Variants in FBXO3 observed in about 807,000 individuals in gnomAD.
FBXO3 encodes the protein F-box only protein 3.
Under a neutral mutation model 64.8 loss-of-function variants are expected in FBXO3, and 17 were observed. The ratio of observed to expected loss-of-function variants is 0.26; its 90% confidence interval spans 0.18 to 0.39. FBXO3 has a LOEUF of 0.39. Ranked by LOEUF, FBXO3 falls within the 10% of genes least tolerant of loss-of-function variation. The pLI is 1.00. For synonymous variants in FBXO3, 182 were observed against 201.6 expected, an observed-to-expected ratio of 0.90 and a Z score of 0.82; for missense variants, 420 against 589.9, an observed-to-expected ratio of 0.71 and a Z score of 2.98.
At chr11:33,763,354 CA>C (rs1564992999) in intron 3 of FBXO3, 2 of 401,124 alleles carry the variant, frequency 5.0e-6, no homozygotes, top group African/African-American at 4.1e-5. Context: ...GTAAAAATTC[CA>C]ATAAAATACT....
chr11:33,774,219 TCCGCCC>T (rs1855582170), intron 1 of FBXO3, 169 bp downstream of exon 1: 1 of 589,524 alleles, frequency 1.7e-6, no homozygotes. Context: ...CGAGGCCCTT[TCCGCCC>T]CCGTCTCGCC....
chr11:33,767,394 G>T (rs1447568956), intron 3 of FBXO3, among the ~76,000 whole-genome samples: 1 of 152,196 alleles, frequency 6.6e-6, no homozygotes, highest in Non-Finnish European at 1.5e-5. Flanking sequence ...CCGCTTGCCG[G>T]GTTCACGCCA....
At chr11:33,762,745 AC>A (rs1000159511) in intron 3 of FBXO3, among the ~76,000 whole-genome samples, 3 of 150,480 alleles carry the variant, frequency 2.0e-5, no homozygotes, top group African/African-American at 4.9e-5. Flanking sequence ...AAAAAAAATC[AC>A]AGTAAATTCA....
chr11:33,747,942 CA>C (rs892122877), intron 9 of FBXO3, among the ~76,000 whole-genome samples: 8 of 148,014 alleles, frequency 5.4e-5, no homozygotes, highest in African/African-American at 2.0e-4. Context: ...ATTGAAGACA[CA>C]ACCTTTAAGA....
chr11:33,771,188 T>A (rs1855502183), intron 1 of FBXO3: 1 of 157,238 alleles, frequency 6.4e-6, no homozygotes, highest in Admixed American at 6.5e-5. Context: ...AGTTATTTAG[T>A]CATAAACAAA....
At chr11:33,766,801 A>C (rs2133620406) in intron 3 of FBXO3, among the ~76,000 whole-genome samples, 1 of 152,240 alleles carries the variant, frequency 6.6e-6, no homozygotes, top group East Asian at 1.9e-4. Context: ...AAAATTCGTA[A>C]GCCTAGGGTT....
Position 33,768,871 on chromosome 11 carries a change from C to T in FBXO3, c.338G>A (p.Arg113Gln), listed in dbSNP as rs772595860. 3.1e-6 allele frequency: 5 copies of T among 1,613,954 alleles called. No homozygotes were observed. Among genetic ancestry groups the T allele is most frequent in the Admixed American group, 3.3e-5 (2 of 59,990 alleles). Residue 113 changes from arginine (R) to glutamine (Q), a missense_variant, in exon 3 of 11, where the codon CGG becomes CAG. Physicochemically the swap from Arg to Gln is conservative, Grantham distance 43. Coordinates refer to ENST00000265651, the MANE Select transcript of FBXO3 (RefSeq NM_012175.4). The stretch of plus-strand genomic sequence containing the variant: ...AGTACCTTTCAGAGATAAAACCATC[C>T]GAGGACACCTGGGCTCCAAATATTT... ...LKKYLEPRCPRMVLSLKEGAR... is the reference protein window; with the variant it reads ...LKKYLEPRCPQMVLSLKEGAR...
chr11:33,752,670 T>C (rs1435898246), intron 6 of FBXO3, among the ~76,000 whole-genome samples: 2 of 152,202 alleles, frequency 1.3e-5, no homozygotes, highest in Admixed American at 1.3e-4. Flanking sequence ...AACACTATTG[T>C]ATTCAAGGTT....
intron 3 of FBXO3, among the ~76,000 whole-genome samples, chr11:33,766,376 G>C (rs1236199344): frequency 6.6e-6 from 1 of 152,124 alleles, no homozygotes; most frequent in Non-Finnish European, 1.5e-5. Flanking sequence ...CTGCCTCCTT[G>C]AATGAATAAA....
At chr11:33,769,234 T>C (rs12806824) in intron 2 of FBXO3, among the ~76,000 whole-genome samples, 47,312 of 151,972 alleles carry the variant, frequency 0.31, 7,818 homozygotes, top group East Asian at 0.51. Context: ...TTTTCTCCTT[T>C]TCTTTCTACT....
intron 3 of FBXO3, among the ~76,000 whole-genome samples, chr11:33,764,346 A>T (rs551428560): frequency 3.6e-4 from 55 of 152,344 alleles, no homozygotes; most frequent in African/African-American, 1.3e-3. Context: ...AGAGGGAAGG[A>T]CTATGAGGAG....
rs966208032 is a variant in FBXO3 at position 33,757,938 on chromosome 11, C to T, written c.473+549G>A. Reference sequence around the variant, plus strand: ...GCTACTATACTCCAGGCTTGGGGACCGAGCAAGACCCTGTCTCAAAAAAAA... The same window carrying T: ...GCTACTATACTCCAGGCTTGGGGACTGAGCAAGACCCTGTCTCAAAAAAAA... On this transcript the variant is annotated intron_variant, in intron 4 of 10. Transcript: ENST00000265651. Among the ~76,000 whole-genome samples, 8 of 146,772 alleles carry T rather than the reference C, an allele frequency of 5.5e-5. No homozygotes were observed. In the Admixed American group the frequency reaches 5.5e-4, roughly 10 times the overall value.
Position 33,774,375 on chromosome 11 carries a change from A to G in FBXO3, c.104+19T>C. 1 of 1,452,750 alleles carries G rather than the reference A, an allele frequency of 6.9e-7. No homozygotes were observed. The highest frequency in any genetic ancestry group is 9.3e-7 in the Non-Finnish European group (1 of 1,074,790). The allele number at this position is 1,452,750 out of a possible 1,614,324, so 90.0% of individuals were successfully genotyped here. A position where few individuals can be genotyped will look rare whatever the true frequency, so the allele number is the denominator to read the frequency against. The stretch of plus-strand genomic sequence containing the variant: ...CTCTCCCCATGCCCCCACCCCTGCC[A>G]TGCGTGTCGTCCCATTACTTGATTA... On this transcript the variant is annotated intron_variant, in intron 1 of 10. Coordinates refer to ENST00000265651, the MANE Select transcript of FBXO3 (RefSeq NM_012175.4).
intron 3 of FBXO3, among the ~76,000 whole-genome samples, chr11:33,762,728 GA>G (rs34611010): frequency 0.31 from 43,329 of 141,438 alleles, 6,671 homozygotes; most frequent in African/African-American, 0.39. Context: ...CCCAAGTCAG[GA>G]AAAAAAAAAA....
At chr11:33,755,685 T>C (rs561213161) in intron 5 of FBXO3, 86 bp downstream of exon 5, 1 of 990,698 alleles carries the variant, frequency 1.0e-6, no homozygotes, top group East Asian at 2.4e-5. Flanking sequence ...ATACCCATTC[T>C]ACAATCCTGA....
At chr11:33,746,307 A>C (rs1854811300) in intron 10 of FBXO3, 1 of 228,104 alleles carries the variant, frequency 4.4e-6, no homozygotes, top group Non-Finnish European at 8.5e-6. Context: ...GAAGAAATCT[A>C]AATCTTCACT....
Position 33,748,839 on chromosome 11 carries a change from C to T in FBXO3, c.986G>A (p.Arg329His), listed in dbSNP as rs1854881407. 1 of 1,613,858 alleles carries T rather than the reference C, an allele frequency of 6.2e-7. No homozygotes were observed. The highest frequency in any genetic ancestry group is 8.5e-7 in the Non-Finnish European group (1 of 1,179,848). ...LPEKACQLDS[R>H]YWRITNAKGD... ...CTTAGCATTTGTTATTCTCCAATAGCGACTGTCCAACTGACAGGCCTTCTC... is the reference window on the plus strand; with the variant it reads ...CTTAGCATTTGTTATTCTCCAATAGTGACTGTCCAACTGACAGGCCTTCTC... Residue 329 changes from arginine to histidine, a missense_variant, in exon 9 of 11, where the codon CGC becomes CAC. By Grantham distance (29) the Arg-to-His change is conservative. This residue lies in a region of FBXO3 where 337 missense variants were observed against 518.4 expected (regional missense o/e 0.65). Coordinates refer to ENST00000265651, the MANE Select transcript of FBXO3 (RefSeq NM_012175.4).
intron 3 of FBXO3, among the ~76,000 whole-genome samples, chr11:33,765,304 A>G (rs1406448656): frequency 1.3e-5 from 2 of 152,234 alleles, no homozygotes; most frequent in Non-Finnish European, 2.9e-5. Context: ...TAAAAAGTTC[A>G]TTTTAAAAAA....
chr11:33,772,254 G>A (rs953944521), intron 1 of FBXO3: 1 of 152,184 alleles, frequency 6.6e-6, no homozygotes, highest in Non-Finnish European at 1.5e-5. Flanking sequence ...GCTGTATGGT[G>A]CAGGAAAAAA....
Sources: gnomAD v4.1 joint callset for allele counts (sites outside exome capture counted in the v4.1 genomes callset) on GRCh38, gnomAD v4.1.1 for gene constraint, gnomAD v4.1.1 regional missense constraint, MANE v1.5 for transcripts, NCBI Gene and HGNC (gene_info 2026-07-23, HGNC 2026-07-21) for gene names.